ELMOD1: variants seen among roughly 807,000 people sequenced by gnomAD.
The protein encoded by ELMOD1 is ELMO domain-containing protein 1.
In ELMOD1, 21 loss-of-function variants were observed where a neutral mutation model predicts 46.7. The ratio of observed to expected loss-of-function variants is 0.45; its 90% CI spans 0.32 to 0.65. The LOEUF (loss-of-function observed/expected upper bound fraction) is 0.65. Among genes scored for constraint, ELMOD1 ranks in the 30% least tolerant of loss-of-function variants. The probability of loss-of-function intolerance (pLI) is 0.04; values close to 1 mark genes in which losing one functional copy is unlikely to be tolerated. For synonymous variants in ELMOD1, 122 were observed against 138.2 expected (o/e 0.88, Z 0.82); for missense variants, 348 against 407.8 (o/e 0.85, Z 1.26).
At chr11:107,625,964 T>G (rs969908085) in intron 2 of ELMOD1, among the ~76,000 whole-genome samples, 1 of 152,150 alleles carries the variant, frequency 6.6e-6, no homozygotes, top group African/African-American at 2.4e-5. Flanking sequence ...AAAGCTGTGA[T>G]TAAAAAACAG....
In ELMOD1 at chr11:107,665,737, C is replaced by A. The variant is rs896583453; in HGVS notation, c.*540C>A. On this transcript the variant is annotated 3_prime_UTR_variant, in exon 12 of 12. Transcript: ENST00000265840. Reference sequence around the variant, plus strand: ...CAGCACTTTGGGGAGCTGAGGCGGGCGGATCACGAGGTCAAGAGATCGAGA... The same window carrying A: ...CAGCACTTTGGGGAGCTGAGGCGGGAGGATCACGAGGTCAAGAGATCGAGA... The A allele has an allele frequency of 6.6e-6, 1 of 151,948 alleles. No homozygotes were observed. The highest frequency in any genetic ancestry group is 2.4e-5 in the African/African-American group (1 of 41,282). The allele number at this position is 151,948 out of a possible 1,614,324, so 9.4% of individuals were successfully genotyped here. A position where few individuals can be genotyped will look rare whatever the true frequency, so the allele number is the denominator to read the frequency against.
intron 6 of ELMOD1, among the ~76,000 whole-genome samples, chr11:107,644,361 C>T (rs994730819): frequency 5.3e-5 from 8 of 152,052 alleles, no homozygotes; most frequent in African/African-American, 1.7e-4. Context: ...AAGCATCCCA[C>T]GCTATAAGCA....
intron 1 of ELMOD1, among the ~76,000 whole-genome samples, chr11:107,604,633 T>C (rs940241863): frequency 3.9e-5 from 6 of 152,232 alleles, no homozygotes; most frequent in African/African-American, 1.4e-4. Flanking sequence ...TAATGGTGAA[T>C]TCTACCATTG....
chr11:107,621,354 T>C (rs1177693263), intron 2 of ELMOD1, among the ~76,000 whole-genome samples: 6 of 152,132 alleles, frequency 3.9e-5, no homozygotes, highest in African/African-American at 1.4e-4. Flanking sequence ...TTTGAGGCAA[T>C]CAAGGGAAAA....
intron 1 of ELMOD1, chr11:107,592,835 C>T (rs1457945075): frequency 6.5e-6 from 1 of 154,722 alleles, no homozygotes; most frequent in Non-Finnish European, 1.4e-5. Flanking sequence ...TGCATCACCA[C>T]CATTTACCAG....
At position 107,621,751 on chromosome 11, in the gene ELMOD1, G is replaced by C. The variant is rs1451753763; in HGVS notation, c.17+3545G>C. 4.7e-5 allele frequency among the ~76,000 whole-genome samples: 3 copies of C among 63,436 alleles called. 1 individual carries two copies. Among genetic ancestry groups the C allele is most frequent in the Non-Finnish European group, 5.2e-5 (1 of 19,130 alleles). 41.6% of individuals were successfully genotyped at this position (63,436 alleles called of 152,430 possible). A position where few individuals can be genotyped will look rare whatever the true frequency, so the allele number is the denominator to read the frequency against. On this transcript the variant is annotated intron_variant, in intron 2 of 11. Coordinates refer to ENST00000265840, the MANE Select transcript of ELMOD1 (RefSeq NM_018712.4). ...ATTCAAAAATGAATGTGAGGGCCAG[G>C]CATGGTGGCTCACACCTGTAATCCC...
rs572434796 is a variant in ELMOD1 at position 107,625,105 on chromosome 11, T to C, written c.18-5312T>C. ...TGTGATTTCACATTTCCAGTTCATG[T>C]ACCAAGTCCTCTGCAGCCTCTCTTC... On this transcript the variant is annotated intron_variant, in intron 2 of 11. Coordinates refer to ENST00000265840, the MANE Select transcript of ELMOD1 (RefSeq NM_018712.4). Among the ~76,000 whole-genome samples the C allele has an allele frequency of 3.5e-4, 53 of 152,332 alleles. 2 individuals are homozygous for C. In the South Asian group the frequency reaches 0.01, roughly 29 times the overall value.
At chr11:107,596,189 A>AT (rs1006534234) in intron 1 of ELMOD1, among the ~76,000 whole-genome samples, 37 of 151,744 alleles carry the variant, frequency 2.4e-4, no homozygotes, top group Middle Eastern at 3.4e-3. Context: ...TCTATTTTTT[A>AT]TTTTTTTTGT....
At chr11:107,620,563 A>T (rs551853492) in intron 2 of ELMOD1, 2 of 152,350 alleles carry the variant, frequency 1.3e-5, no homozygotes, top group South Asian at 4.1e-4. Flanking sequence ...TTTAGCCATG[A>T]TGTGCATGAA....
intron 7 of ELMOD1, among the ~76,000 whole-genome samples, chr11:107,648,399 G>A (rs1866469880): frequency 6.6e-6 from 1 of 152,168 alleles, no homozygotes; most frequent in Non-Finnish European, 1.5e-5. Context: ...GAGGTATGCA[G>A]GCAGGCCTGA....
chr11:107,598,421 C>T (rs2135646382), intron 1 of ELMOD1, among the ~76,000 whole-genome samples: 1 of 152,322 alleles, frequency 6.6e-6, no homozygotes, highest in Non-Finnish European at 1.5e-5. Context: ...GGGGAAATGA[C>T]TTACTGAGGC....
At chr11:107,601,476 C>T (rs1359167776) in intron 1 of ELMOD1, among the ~76,000 whole-genome samples, 2 of 142,434 alleles carry the variant, frequency 1.4e-5, no homozygotes, top group African/African-American at 5.2e-5. Flanking sequence ...AGTGCAGTGG[C>T]ATGATCTTGG....
intron 1 of ELMOD1, chr11:107,591,875 C>CCGCCGGACTGTGGGGT: frequency 2.1e-6 from 1 of 485,300 alleles, no homozygotes; most frequent in South Asian, 1.5e-5. Context: ...GGCTGCGGGG[C>CCGCCGGACTGTGGGGT]CGCCGGACTG....
intron 6 of ELMOD1, chr11:107,643,079 C>G (rs182219402): frequency 5.0e-6 from 1 of 201,652 alleles, no homozygotes; most frequent in Non-Finnish European, 1.1e-5. Context: ...CAGTGGCTCA[C>G]GCCTGTAATC....
chr11:107,631,404 C>CCA (rs1866137006), intron 4 of ELMOD1, among the ~76,000 whole-genome samples, 176 bp from the exon 5 acceptor site: 1 of 147,340 alleles, frequency 6.8e-6, no homozygotes, highest in Admixed American at 6.8e-5. Context: ...ACTACCCCCC[C>CCA]CCCCATCGTG....
At chr11:107,647,390 C>G in intron 6 of ELMOD1, 78 bp from the exon 7 acceptor site, 2 of 1,393,448 alleles carry the variant, frequency 1.4e-6, no homozygotes, top group Non-Finnish European at 9.7e-7. Flanking sequence ...AAAGCTCCTC[C>G]TAATAATGTA....
At chr11:107,651,476 A>C (rs181821132) in intron 9 of ELMOD1, among the ~76,000 whole-genome samples, 1 of 152,244 alleles carries the variant, frequency 6.6e-6, no homozygotes, top group Admixed American at 6.5e-5. Context: ...GGATAGGTTG[A>C]GTTGGGCTTT....
chr11:107,663,340 C>T (rs1866777562), intron 11 of ELMOD1, among the ~76,000 whole-genome samples: 1 of 151,992 alleles, frequency 6.6e-6, no homozygotes, highest in South Asian at 2.1e-4. Context: ...CAAAGGCAGG[C>T]TAGTCCTAAA....
chr11:107,628,754 G>C (rs2135685608), intron 2 of ELMOD1, among the ~76,000 whole-genome samples: 1 of 150,918 alleles, frequency 6.6e-6, no homozygotes, highest in East Asian at 1.9e-4. Flanking sequence ...CATAATTTTA[G>C]TTATAATTTT....
Sources: allele counts gnomAD v4.1 joint callset (sites outside exome capture counted in the v4.1 genomes callset), GRCh38; gene constraint gnomAD v4.1.1; transcripts MANE v1.5; gene names NCBI Gene and HGNC (gene_info 2026-07-23, HGNC 2026-07-21).